ANKS4B: variants seen among roughly 807,000 people sequenced by gnomAD.
The protein encoded by ANKS4B is ankyrin repeat and SAM domain-containing protein 4B.
ANKS4B carries 21 observed loss-of-function variants against 20.2 expected under a neutral mutation model. That is an observed-to-expected ratio of 1.04 (90% CI 0.74 to 1.50). The LOEUF (loss-of-function observed/expected upper bound fraction) is 1.50, where lower values mean the gene tolerates loss of function less well. Ranked by LOEUF, ANKS4B falls within the 40% of genes most tolerant of loss-of-function variation. The pLI is 0.00. For synonymous variants in ANKS4B, 179 were observed against 194.5 expected (o/e 0.92, Z 0.66); for missense variants, 473 against 494.6 (o/e 0.96, Z 0.41).
intron 1 of ANKS4B, among the ~76,000 whole-genome samples, chr16:21,244,727 G>A (rs1036678061): frequency 6.6e-6 from 1 of 152,108 alleles, no homozygotes; most frequent in East Asian, 1.9e-4. Flanking sequence ...TGTTTAGGGG[G>A]GAGACACAGC....
At chr16:21,235,358 G>A (rs553492390) in intron 1 of ANKS4B, among the ~76,000 whole-genome samples, 13 of 152,274 alleles carry the variant, frequency 8.5e-5, no homozygotes, top group African/African-American at 2.6e-4. Flanking sequence ...ATGGCTGGAT[G>A]TGGTTCAAGT....
At chr16:21,245,642 T>C (rs537062719) in intron 1 of ANKS4B, among the ~76,000 whole-genome samples, 20 of 152,076 alleles carry the variant, frequency 1.3e-4, no homozygotes, top group African/African-American at 4.3e-4. Flanking sequence ...TTTTTGTACT[T>C]TTAGTAGAGA....
chr16:21,248,853 T>C (rs1207492738), intron 1 of ANKS4B, among the ~76,000 whole-genome samples: 1 of 152,216 alleles, frequency 6.6e-6, no homozygotes, highest in East Asian at 1.9e-4. Flanking sequence ...TTCATGTCCA[T>C]TATATCTACA....
At chr16:21,245,598 G>T (rs2093331338) in intron 1 of ANKS4B, among the ~76,000 whole-genome samples, 2 of 152,060 alleles carry the variant, frequency 1.3e-5, no homozygotes, top group South Asian at 4.1e-4. Flanking sequence ...CTGAGTAGCT[G>T]GGACTACAGG....
At chr16:21,239,169 T>C (rs2152859303) in intron 1 of ANKS4B, among the ~76,000 whole-genome samples, 1 of 152,238 alleles carries the variant, frequency 6.6e-6, no homozygotes, top group Non-Finnish European at 1.5e-5. Context: ...GGAGTGTAAA[T>C]TAGTTCAACC....
At chr16:21,238,832 C>T (rs1192731405) in intron 1 of ANKS4B, 1 of 152,104 alleles carries the variant, frequency 6.6e-6, no homozygotes, top group African/African-American at 2.4e-5. Flanking sequence ...CCTTGTTTTT[C>T]CTAGTCCTTC....
chr16:21,235,567 C>G (rs747292109), intron 1 of ANKS4B, among the ~76,000 whole-genome samples: 1 of 151,824 alleles, frequency 6.6e-6, no homozygotes, highest in Non-Finnish European at 1.5e-5. Flanking sequence ...TTTTAGTGGT[C>G]GAGATGAGTT....
intron 1 of ANKS4B, among the ~76,000 whole-genome samples, chr16:21,246,059 ATAAAT>A (rs1010606824): frequency 3.9e-5 from 6 of 152,350 alleles, no homozygotes; most frequent in East Asian, 1.9e-4. Context: ...GTATTTGAAC[ATAAAT>A]TTAATTTTTT....
chr16:21,248,316 C>A (rs976463744), intron 1 of ANKS4B, among the ~76,000 whole-genome samples: 1 of 138,562 alleles, frequency 7.2e-6, no homozygotes, highest in East Asian at 2.2e-4. Context: ...AGCCACTGAG[C>A]CTAGCCTTTT....
In ANKS4B at chr16:21,237,897, C is replaced by T. The variant is rs565796852; in HGVS notation, c.164+3996C>T. Among the ~76,000 whole-genome samples the T allele has an allele frequency of 2.0e-5, 3 of 152,298 alleles. No homozygotes were observed. In the East Asian group the frequency reaches 5.8e-4, roughly 29 times the overall value. ...ATATATTAGGCTGGGCGTGGTGGCT[C>T]ACTCCTGTAATCCCAGCACTTTGGG... On this transcript the variant is annotated intron_variant, in intron 1 of 1. Coordinates refer to ENST00000311620, the MANE Select transcript of ANKS4B (RefSeq NM_145865.3).
At position 21,250,682 on chromosome 16, in the gene ANKS4B, A is replaced by G; in HGVS notation, c.1116A>G (p.Glu372=). 1 of 1,613,698 alleles carries G rather than the reference A, an allele frequency of 6.2e-7. No homozygotes were observed. Among genetic ancestry groups the G allele is most frequent in the Non-Finnish European group, 8.5e-7 (1 of 1,179,556 alleles). Residue 372 remains glutamate, a synonymous_variant, in exon 2 of 2, where the codon GAA becomes GAG. Transcript: ENST00000311620. ...PIFKREQIDL[E]ALLLCSDEDL... is the part of the protein sequence containing the mutation. Reference sequence around the variant, plus strand: ...TCAAGAGAGAGCAGATTGATCTAGAAGCTCTGCTGCTCTGCTCTGATGAGG... The same window carrying G: ...TCAAGAGAGAGCAGATTGATCTAGAGGCTCTGCTGCTCTGCTCTGATGAGG...
intron 1 of ANKS4B, 47 bp from the exon 2 acceptor site, chr16:21,249,684 G>C: frequency 6.5e-7 from 1 of 1,536,734 alleles, no homozygotes; most frequent in Non-Finnish European, 8.8e-7. Context: ...CCTGCGTTCA[G>C]AGAAAAAAAG....
At chr16:21,246,785 C>G (rs1165956051) in intron 1 of ANKS4B, among the ~76,000 whole-genome samples, 1 of 152,118 alleles carries the variant, frequency 6.6e-6, no homozygotes, top group Non-Finnish European at 1.5e-5. Flanking sequence ...TTTATTCCTG[C>G]AGTAATGATT....
chr16:21,238,496 TAC>T (rs1053996705), intron 1 of ANKS4B, among the ~76,000 whole-genome samples: 4 of 137,202 alleles, frequency 2.9e-5, no homozygotes, highest in South Asian at 2.4e-4. Context: ...TATATATATA[TAC>T]GTATAAGTCT....
At position 21,251,807 on chromosome 16, in the gene ANKS4B, TA is replaced by T. The variant is rs1567228333; in HGVS notation, c.*988del. The stretch of plus-strand genomic sequence containing the variant: ...TGTGGACTGAATTGCGTCAAATTCA[TA>T]TGTTGGAGCTCTAACCCCTAATGTG... On this transcript the variant is annotated 3_prime_UTR_variant, in exon 2 of 2. Coordinates refer to ENST00000311620, the MANE Select transcript of ANKS4B (RefSeq NM_145865.3). 1 of 152,162 alleles carries T rather than the reference TA, an allele frequency of 6.6e-6. No individual in the cohort carries two copies. The highest frequency in any genetic ancestry group is 1.5e-5 in the Non-Finnish European group (1 of 68,040). The allele number at this position is 152,162 out of a possible 1,614,324, so 9.4% of individuals were successfully genotyped here.
chr16:21,246,469 A>G (rs999452068), intron 1 of ANKS4B, among the ~76,000 whole-genome samples: 2 of 152,206 alleles, frequency 1.3e-5, no homozygotes, highest in African/African-American at 4.8e-5. Context: ...TATTATGGCT[A>G]GTAGATATTT....
chr16:21,236,008 C>T (rs992941170), intron 1 of ANKS4B, among the ~76,000 whole-genome samples: 1 of 152,098 alleles, frequency 6.6e-6, no homozygotes, highest in Non-Finnish European at 1.5e-5. Flanking sequence ...AAAGTATTAG[C>T]CTATTCTTGC....
intron 1 of ANKS4B, among the ~76,000 whole-genome samples, chr16:21,248,226 T>C (rs2093334702): frequency 6.6e-6 from 1 of 151,974 alleles, no homozygotes; most frequent in East Asian, 1.9e-4. Context: ...GGTCTTGTTA[T>C]GTTTCCCAGG....
chr16:21,245,969 T>G (rs1288156661), intron 1 of ANKS4B, among the ~76,000 whole-genome samples: 1 of 152,260 alleles, frequency 6.6e-6, no homozygotes, highest in Non-Finnish European at 1.5e-5. Context: ...TTCACATAAC[T>G]CTATGAATAG....
Sources: gnomAD v4.1 joint callset for allele counts (sites outside exome capture counted in the v4.1 genomes callset) on GRCh38, gnomAD v4.1.1 for gene constraint, MANE v1.5 for transcripts, NCBI Gene and HGNC (gene_info 2026-07-23, HGNC 2026-07-21) for gene names.